TENM1: variants seen among roughly 807,000 people sequenced by gnomAD.
TENM1 encodes teneurin-1.
Under a neutral mutation model 174.8 loss-of-function variants are expected in TENM1, and 35 were observed. The ratio of observed to expected loss-of-function variants is 0.20; its 90% CI spans 0.15 to 0.27. TENM1 has a LOEUF of 0.27. Among genes scored for constraint, TENM1 ranks in the 10% least tolerant of loss-of-function variants. The probability of loss-of-function intolerance (pLI) is 1.00; values close to 1 mark genes in which losing one functional copy is unlikely to be tolerated. For missense variants in TENM1, 1,633 were observed against 2,130.1 expected, an observed-to-expected ratio of 0.77 and a Z score of 4.59; for synonymous variants, 781 against 798.7, an observed-to-expected ratio of 0.98 and a Z score of 0.37.
At chrX:124,805,375 C>A (rs1354522158) in intron 3 of TENM1, among the ~76,000 whole-genome samples, 4 of 111,985 alleles carry the variant, frequency 3.6e-5, no homozygotes, top group African/African-American at 1.3e-4. Context: ...TAGTTCTAAC[C>A]TTGAGAGCCT....
chrX:124,562,047 C>A (rs2048829425), intron 13 of TENM1, among the ~76,000 whole-genome samples: 1 of 111,979 alleles, frequency 8.9e-6, no homozygotes, highest in Non-Finnish European at 1.9e-5. Flanking sequence ...TAATGCTAAC[C>A]CCAATTCCCA....
At chrX:124,505,681 G>A (rs1167974946) in intron 18 of TENM1, among the ~76,000 whole-genome samples, 1 of 111,293 alleles carries the variant, frequency 9.0e-6, no homozygotes, top group Non-Finnish European at 1.9e-5. Context: ...GTTCTTAGAC[G>A]CTTTTGGGTC....
the TENM1 span, among the ~76,000 whole-genome samples, chrX:125,118,940 G>T: frequency 9.0e-6 from 1 of 111,332 alleles, no homozygotes; most frequent in African/African-American, 3.3e-5. Flanking sequence ...TAATGAGAAT[G>T]GACTGGGAAG....
chrX:124,406,565 G>T, intron 25 of TENM1, 76 bp from the exon 29 acceptor site: 1 of 664,622 alleles, frequency 1.5e-6, no homozygotes, highest in Non-Finnish European at 2.3e-6. Context: ...AAAATCACTT[G>T]GCAGCTAATA....
At chrX:124,805,089 G>A (rs2055559471) in intron 3 of TENM1, among the ~76,000 whole-genome samples, 1 of 111,712 alleles carries the variant, frequency 9.0e-6, no homozygotes, top group African/African-American at 3.3e-5. Context: ...AAATATGCTA[G>A]CTGCTTTATC....
chrX:124,527,733 C>T (rs2048010973), intron 16 of TENM1, among the ~76,000 whole-genome samples: 1 of 104,110 alleles, frequency 9.6e-6, no homozygotes, highest in Non-Finnish European at 2.0e-5. Context: ...ACTGCAACCT[C>T]TGTCTCCCAG....
At chrX:124,764,744 T>C (rs1263722356) in intron 3 of TENM1, among the ~76,000 whole-genome samples, 1 of 109,599 alleles carries the variant, frequency 9.1e-6, no homozygotes, top group Non-Finnish European at 1.9e-5. Context: ...CACATGTAGA[T>C]TGACTATATT....
chrX:124,658,586 T>C (rs1201424407), intron 6 of TENM1, among the ~76,000 whole-genome samples: 2 of 111,933 alleles, frequency 1.8e-5, no homozygotes, highest in Non-Finnish European at 3.8e-5. Flanking sequence ...TTTACACACA[T>C]AGGCCTTGGC....
At chrX:124,800,791 T>A (rs2055427717) in intron 3 of TENM1, among the ~76,000 whole-genome samples, 1 of 112,146 alleles carries the variant, frequency 8.9e-6, no homozygotes. Flanking sequence ...GGGATTCTAG[T>A]ACATTGTCTC....
At chrX:125,161,057 A>C in the TENM1 span, among the ~76,000 whole-genome samples, 31 of 108,033 alleles carry the variant, frequency 2.9e-4, no homozygotes, top group South Asian at 3.9e-4. Flanking sequence ...AAAAAAAAAA[A>C]AAAACAAAAC....
intron 5 of TENM1, among the ~76,000 whole-genome samples, chrX:124,684,484 C>T (rs937449457): frequency 1.8e-5 from 2 of 112,378 alleles, no homozygotes; most frequent in African/African-American, 6.5e-5. Context: ...GCACCATGCC[C>T]ACCCCAGGGA....
chrX:124,894,382 C>T, intron 2 of TENM1, 30 bp from the exon 6 acceptor site: 24 of 1,122,515 alleles, frequency 2.1e-5, no homozygotes, highest in Non-Finnish European at 2.8e-5. Flanking sequence ...ACTAGTTAAG[C>T]CTTGTCCAAG....
intron 10 of TENM1, among the ~76,000 whole-genome samples, chrX:124,642,592 T>C (rs1479657987): frequency 6.2e-5 from 7 of 112,221 alleles, no homozygotes. Context: ...CACTTCTTCA[T>C]GGCTTCTCCT....
intron 1 of TENM1, among the ~76,000 whole-genome samples, chrX:124,949,996 G>A (rs1253217498): frequency 9.0e-6 from 1 of 110,626 alleles, no homozygotes; most frequent in Non-Finnish European, 1.9e-5. Flanking sequence ...AGGCTCCAAA[G>A]GCACCCTTGA....
chrX:125,108,051 A>G, the TENM1 span, among the ~76,000 whole-genome samples: 1 of 110,749 alleles, frequency 9.0e-6, no homozygotes, highest in Non-Finnish European at 1.9e-5. Flanking sequence ...TCCCACTACC[A>G]CTCTTCCCCT....
At chrX:124,858,514 A>G (rs1354647745) in intron 3 of TENM1, among the ~76,000 whole-genome samples, 1 of 111,835 alleles carries the variant, frequency 8.9e-6, no homozygotes, top group African/African-American at 3.2e-5. Flanking sequence ...ACTGGGAAAA[A>G]ATATTGATCT....
chrX:124,970,563 G>T, the TENM1 span, among the ~76,000 whole-genome samples: 1 of 112,346 alleles, frequency 8.9e-6, no homozygotes, highest in African/African-American at 3.2e-5. Flanking sequence ...AACTTTCTTT[G>T]TTTTTCTAAG....
the TENM1 span, among the ~76,000 whole-genome samples, chrX:125,193,640 G>T: frequency 1.8e-5 from 2 of 111,119 alleles, no homozygotes; most frequent in Non-Finnish European, 3.8e-5. Context: ...TATCTATGGT[G>T]GGGGGTACTG....
At chrX:124,406,989 G>A (rs1000676742) in intron 25 of TENM1, among the ~76,000 whole-genome samples, 8 of 111,842 alleles carry the variant, frequency 7.2e-5, no homozygotes, top group Admixed American at 1.9e-4. Flanking sequence ...TGAAATGAAT[G>A]AATCATTCTT....
Sources: gnomAD v4.1 joint callset for allele counts (sites outside exome capture counted in the v4.1 genomes callset) on GRCh38, gnomAD v4.1.1 for gene constraint, MANE v1.5 for transcripts, NCBI Gene and HGNC (gene_info 2026-07-23, HGNC 2026-07-21) for gene names.